Variants in NSMCE2 observed in about 807,000 individuals in gnomAD.
NSMCE2 encodes E3 SUMO-protein ligase NSE2.
NSMCE2 carries 24 observed loss-of-function variants against 23.8 expected under a neutral mutation model. That is an observed-to-expected ratio of 1.01 (90% confidence interval 0.73 to 1.42). NSMCE2 has a LOEUF of 1.42. NSMCE2 is among the 40% of genes most tolerant of loss of function. The probability of loss-of-function intolerance (pLI) is 0.00; values close to 1 mark genes in which losing one functional copy is unlikely to be tolerated. For missense variants in NSMCE2, 284 were observed against 296.5 expected (o/e 0.96, Z 0.31); for synonymous variants, 92 against 94.1 (o/e 0.98, Z 0.13).
intron 5 of NSMCE2, among the ~76,000 whole-genome samples, chr8:125,356,967 G>T (rs915009346): frequency 6.6e-6 from 1 of 152,066 alleles, no homozygotes; most frequent in Admixed American, 6.6e-5. Context: ...CCACACCCTT[G>T]GTCACTTTCT....
intron 4 of NSMCE2, among the ~76,000 whole-genome samples, chr8:125,157,008 C>G (rs1821356617): frequency 6.6e-6 from 1 of 152,124 alleles, no homozygotes; most frequent in East Asian, 1.9e-4. Context: ...ATAATTTATT[C>G]TATGGTACCT....
At chr8:125,216,213 A>G (rs1339207771) in intron 5 of NSMCE2, among the ~76,000 whole-genome samples, 1 of 152,184 alleles carries the variant, frequency 6.6e-6, no homozygotes, top group Non-Finnish European at 1.5e-5. Flanking sequence ...TGATCCACTT[A>G]TCTGTCAATG....
intron 4 of NSMCE2, among the ~76,000 whole-genome samples, chr8:125,166,843 G>T (rs1003731055): frequency 6.6e-6 from 1 of 152,088 alleles, no homozygotes; most frequent in Admixed American, 6.5e-5. Context: ...ATTCTCCTCC[G>T]AAGTCTTTTA....
intron 3 of NSMCE2, among the ~76,000 whole-genome samples, chr8:125,103,315 A>C (rs1818294595): frequency 6.6e-6 from 1 of 152,104 alleles, no homozygotes; most frequent in South Asian, 2.1e-4. Flanking sequence ...CAAAAAAAAA[A>C]AGAAAAAAGA....
At chr8:125,255,142 T>C (rs2131025831) in intron 5 of NSMCE2, among the ~76,000 whole-genome samples, 1 of 152,080 alleles carries the variant, frequency 6.6e-6, no homozygotes, top group South Asian at 2.1e-4. Context: ...AACCAACTTG[T>C]CAGCTGTATG....
chr8:125,294,347 G>A (rs7813432), intron 5 of NSMCE2, among the ~76,000 whole-genome samples: 129,599 of 152,120 alleles, frequency 0.85, 55,186 homozygotes, highest in Middle Eastern at 0.9. Flanking sequence ...GTCATATGGT[G>A]ACTCTATGTT....
Position 125,102,409 on chromosome 8 carries a change from T to G in NSMCE2, c.79T>G (p.Leu27Val). The G allele has an allele frequency of 6.2e-7, 1 of 1,613,570 alleles. No individual in the cohort carries two copies. The highest frequency in any genetic ancestry group is 8.5e-7 in the Non-Finnish European group (1 of 1,179,470). The change falls in exon 3 of 8, where the codon TTG (leucine) becomes GTG (valine). Residue 27 changes from leucine (L) to valine (V), a missense_variant. This residue lies in a region of NSMCE2 where 182 missense variants were observed against 155.5 expected (regional missense o/e 1.17). Coordinates refer to ENST00000287437, the MANE Select transcript of NSMCE2 (RefSeq NM_173685.4). Reference protein sequence around the residue: ...FSGVESALSSLKNFQACINSG... With the variant: ...FSGVESALSSVKNFQACINSG... ...TGGTGTAGAGTCTGCTCTCTCCTCC[T>G]TGAAAAACTTCCAAGCCTGTATCAA...
chr8:125,330,074 A>T (rs192785031), intron 5 of NSMCE2, among the ~76,000 whole-genome samples: 1 of 152,048 alleles, frequency 6.6e-6, no homozygotes, highest in African/African-American at 2.4e-5. Flanking sequence ...TAGGAATGGG[A>T]GGGAACAGGT....
At chr8:125,313,242 AAG>A (rs1491048180) in intron 5 of NSMCE2, among the ~76,000 whole-genome samples, 1 of 146,238 alleles carries the variant, frequency 6.8e-6, no homozygotes, top group Non-Finnish European at 1.5e-5. Context: ...GAAAGAAAGA[AAG>A]AAAAGAAAAG....
intron 5 of NSMCE2, among the ~76,000 whole-genome samples, chr8:125,315,655 T>TTTC (rs979612791): frequency 6.6e-6 from 1 of 152,170 alleles, no homozygotes; most frequent in African/African-American, 2.4e-5. Flanking sequence ...CCTAAGGAAA[T>TTTC]GTAAGAGTTT....
At chr8:125,211,234 G>A (rs1363656367) in intron 5 of NSMCE2, among the ~76,000 whole-genome samples, 1 of 152,040 alleles carries the variant, frequency 6.6e-6, no homozygotes, top group Non-Finnish European at 1.5e-5. Context: ...ACTTCACAAA[G>A]TGCAAAAGAC....
intron 3 of NSMCE2, among the ~76,000 whole-genome samples, chr8:125,137,379 C>CTGTTTTAA (rs1306246782): frequency 1.3e-5 from 2 of 152,102 alleles, no homozygotes; most frequent in Non-Finnish European, 2.9e-5. Flanking sequence ...CATTAACTTT[C>CTGTTTTAA]TGTTTTAAAG....
chr8:125,097,431 A>G (rs1010546350), intron 1 of NSMCE2, among the ~76,000 whole-genome samples: 7 of 152,184 alleles, frequency 4.6e-5, no homozygotes, highest in African/African-American at 7.2e-5. Flanking sequence ...TTGTACCTGT[A>G]TGCCAGGCAA....
chr8:125,232,630 G>A (rs1447577540), intron 5 of NSMCE2, among the ~76,000 whole-genome samples: 1 of 152,002 alleles, frequency 6.6e-6, no homozygotes, highest in African/African-American at 2.4e-5. Flanking sequence ...ATATAAAGTA[G>A]GCCCAGTAGA....
intron 5 of NSMCE2, among the ~76,000 whole-genome samples, chr8:125,313,125 G>A (rs1211517334): frequency 1.4e-5 from 2 of 146,986 alleles, no homozygotes; most frequent in South Asian, 2.2e-4. Flanking sequence ...GGGAAAGAAG[G>A]AAGGAAGGAA....
At chr8:125,100,646 C>T (rs1441847358) in intron 1 of NSMCE2, among the ~76,000 whole-genome samples, 3 of 152,120 alleles carry the variant, frequency 2.0e-5, no homozygotes, top group Admixed American at 6.5e-5. Flanking sequence ...ACTGCAACCT[C>T]CGCCTCCCAG....
intron 5 of NSMCE2, among the ~76,000 whole-genome samples, chr8:125,316,570 C>G (rs1193720261): frequency 6.6e-6 from 1 of 151,976 alleles, no homozygotes; most frequent in East Asian, 1.9e-4. Flanking sequence ...TTCTTTCCTT[C>G]TTTCTTTCTT....
intron 2 of NSMCE2, 53 bp downstream of exon 2, chr8:125,102,199 G>A (rs1818226296): frequency 5.6e-6 from 4 of 711,824 alleles, no homozygotes; most frequent in Non-Finnish European, 7.3e-6. Context: ...AGAATAGTGT[G>A]GCATTTATGA....
intron 5 of NSMCE2, among the ~76,000 whole-genome samples, chr8:125,272,827 A>ACGTG (rs1491116216): frequency 1.1e-5 from 1 of 92,020 alleles, no homozygotes; most frequent in African/African-American, 4.6e-5. Flanking sequence ...ATATATACAC[A>ACGTG]TATATATACA....
Sources: gnomAD v4.1 joint callset for allele counts (sites outside exome capture counted in the v4.1 genomes callset) on GRCh38, gnomAD v4.1.1 for gene constraint, gnomAD v4.1.1 regional missense constraint, MANE v1.5 for transcripts, NCBI Gene and HGNC (gene_info 2026-07-23, HGNC 2026-07-21) for gene names.